The following SCD5 variants were observed in gnomAD, a reference collection of about 807,000 sequenced individuals.
SCD5 encodes acyl-CoA-desaturase 4.
A neutral mutation model predicts 30.4 loss-of-function variants in SCD5; 20 were observed. The ratio of observed to expected loss-of-function variants is 0.66; its 90% CI spans 0.46 to 0.96. The LOEUF (loss-of-function observed/expected upper bound fraction) is 0.96. Among genes scored for constraint, SCD5 ranks in the 40% least tolerant of loss-of-function variants. The pLI, the probability that SCD5 is intolerant of heterozygous loss-of-function variation, is 0.00. For missense variants in SCD5, 381 were observed against 443.3 expected, an observed-to-expected ratio of 0.86 and a Z score of 1.26; for synonymous variants, 173 against 176.4, an observed-to-expected ratio of 0.98 and a Z score of 0.16.
At chr4:82,667,508 T>C (rs942270270) in intron 3 of SCD5, among the ~76,000 whole-genome samples, 6 of 152,216 alleles carry the variant, frequency 3.9e-5, no homozygotes, top group African/African-American at 1.4e-4. Flanking sequence ...ATCATCTCTG[T>C]CTTGTATCCC....
chr4:82,726,045 G>A (rs10008245), intron 1 of SCD5, among the ~76,000 whole-genome samples: 64,897 of 151,542 alleles, frequency 0.43, 14,477 homozygotes, highest in African/African-American at 0.56. Context: ...TGTCAGCCCA[G>A]TGGAGACTTC....
At chr4:82,639,953 G>C (rs543490094) in intron 3 of SCD5, among the ~76,000 whole-genome samples, 151 of 152,312 alleles carry the variant, frequency 9.9e-4, no homozygotes, top group African/African-American at 3.6e-3. Flanking sequence ...CTTGCTCTCT[G>C]CTGGGCCCTG....
chr4:82,705,438 G>A (rs758946303), intron 1 of SCD5, 25 bp from the exon 2 acceptor site: 10 of 1,613,410 alleles, frequency 6.2e-6, no homozygotes, highest in Admixed American at 5.0e-5. Context: ...CAGGGACAAC[G>A]TCAACAATGG....
At chr4:82,660,395 C>A (rs1727970101) in intron 3 of SCD5, 1 of 799,042 alleles carries the variant, frequency 1.3e-6, no homozygotes, top group Non-Finnish European at 1.5e-6. Context: ...AGAAATACAT[C>A]TGGAAATGAT....
chr4:82,774,732 T>C (rs1302243349), intron 1 of SCD5, among the ~76,000 whole-genome samples: 3 of 152,194 alleles, frequency 2.0e-5, no homozygotes, highest in African/African-American at 4.8e-5. Context: ...AACTGTTACA[T>C]AGACCCAGTC....
At chr4:82,735,296 C>T (rs769753734) in intron 1 of SCD5, among the ~76,000 whole-genome samples, 2 of 152,026 alleles carry the variant, frequency 1.3e-5, no homozygotes, top group Admixed American at 6.5e-5. Flanking sequence ...GGTTGATTGG[C>T]GTGTCTACAC....
intron 1 of SCD5, among the ~76,000 whole-genome samples, chr4:82,738,913 T>G (rs1720810513): frequency 6.6e-6 from 1 of 152,178 alleles, no homozygotes; most frequent in Non-Finnish European, 1.5e-5. Context: ...GTTTAGAAAT[T>G]TGGCCAAGAT....
intron 1 of SCD5, among the ~76,000 whole-genome samples, chr4:82,739,925 A>G (rs1416381477): frequency 1.3e-5 from 2 of 151,984 alleles, no homozygotes; most frequent in Non-Finnish European, 2.9e-5. Context: ...CTCCATCCCC[A>G]CCGCTTGCTT....
intron 1 of SCD5, among the ~76,000 whole-genome samples, chr4:82,715,458 T>C (rs558385265): frequency 6.6e-6 from 1 of 151,334 alleles, no homozygotes; most frequent in Non-Finnish European, 1.5e-5. Context: ...ATTTTCAGCA[T>C]CCAGAGCCTA....
At position 82,798,360 on chromosome 4, in the gene SCD5, C is replaced by T; in HGVS notation, c.178G>A (p.Ala60Thr). 1 of 1,613,318 alleles carries T rather than the reference C, an allele frequency of 6.2e-7. No individual in the cohort carries two copies. The change falls in exon 1 of 5, where the codon GCC becomes ACC. Residue 60 changes from alanine to threonine, a missense_variant. Transcript: ENST00000319540. ...GGGATGAGCACCAGGGAGTACACGG[C>T]CCCCAAGTGGAGCAAGCTCATCAGG... ...VVLMSLLHLG[A>T]VYSLVLIPKA...
Position 82,795,809 on chromosome 4 carries a change from C to CAAAAAAA in SCD5, c.232+2490_232+2496dup, listed in dbSNP as rs72115040. On this transcript the variant is annotated intron_variant, in intron 1 of 4. Transcript: ENST00000319540. ...TGCACTCCAGCAAGACCCTGTCTCA[C>CAAAAAAA]AAAAAAAAAAAAAAAAAAAAAAAAA... 2.6e-3 allele frequency among the ~76,000 whole-genome samples: 114 copies of CAAAAAAA among 43,896 alleles called. 19 individuals are homozygous for CAAAAAAA. The highest frequency in any genetic ancestry group is 9.0e-3 in the African/African-American group (103 of 11,412). The allele number at this position is 43,896 out of a possible 152,430, so 28.8% of individuals were successfully genotyped here. A position where few individuals can be genotyped will look rare whatever the true frequency, so the allele number is the denominator to read the frequency against.
At chr4:82,793,136 G>A (rs72925445) in intron 1 of SCD5, among the ~76,000 whole-genome samples, 2,895 of 152,304 alleles carry the variant, frequency 0.019, 98 homozygotes, top group African/African-American at 0.065. Flanking sequence ...CGTTTGAAAG[G>A]AAGAGTCATT....
chr4:82,767,405 C>T (rs1721516318), intron 1 of SCD5, among the ~76,000 whole-genome samples: 2 of 152,172 alleles, frequency 1.3e-5, no homozygotes, highest in African/African-American at 4.8e-5. Context: ...GACATGGCTG[C>T]ACTCTGCTTG....
At chr4:82,635,167 C>A (rs1311771624) in intron 4 of SCD5, among the ~76,000 whole-genome samples, 1 of 152,180 alleles carries the variant, frequency 6.6e-6, no homozygotes, top group African/African-American at 2.4e-5. Context: ...AAAGGTAGAG[C>A]TAATATTTCT....
At position 82,798,699 on chromosome 4, in the gene SCD5, C is replaced by T. The variant is rs1052246632; in HGVS notation, c.-162G>A. 8.5e-5 allele frequency: 56 copies of T among 655,606 alleles called. 1 individual carries two copies. Among genetic ancestry groups the T allele is most frequent in the Middle Eastern group, 4.2e-4 (1 of 2,392 alleles). 40.6% of individuals were successfully genotyped at this position (655,606 alleles called of 1,614,324 possible). ...TCTCCCGGGCTCCTGCGCTCTTCCC[C>T]AGGGTCTTAGCGTGGCCTAGGGATG... On this transcript the variant is annotated 5_prime_UTR_variant, in exon 1 of 5. Coordinates refer to ENST00000319540, the MANE Select transcript of SCD5 (RefSeq NM_001037582.3).
chr4:82,732,128 T>A (rs1720656931), intron 1 of SCD5, among the ~76,000 whole-genome samples: 1 of 151,948 alleles, frequency 6.6e-6, no homozygotes, highest in African/African-American at 2.4e-5. Context: ...TGAGACGGAG[T>A]CTTGCTCTGT....
chr4:82,793,587 T>G (rs919964107), intron 1 of SCD5, among the ~76,000 whole-genome samples: 1 of 152,100 alleles, frequency 6.6e-6, no homozygotes, highest in African/African-American at 2.4e-5. Context: ...GCCGGAAGAC[T>G]TTTTTTTCTT....
chr4:82,755,197 T>C (rs1721207838), intron 1 of SCD5, among the ~76,000 whole-genome samples: 1 of 151,106 alleles, frequency 6.6e-6, no homozygotes, highest in Admixed American at 6.6e-5. Context: ...GTCGAAAAAA[T>C]TAGGAGAGAT....
At chr4:82,648,995 T>C (rs1272191907) in intron 3 of SCD5, among the ~76,000 whole-genome samples, 1 of 152,226 alleles carries the variant, frequency 6.6e-6, no homozygotes, top group Non-Finnish European at 1.5e-5. Flanking sequence ...TAGTGTCTAA[T>C]AATGGTTCTC....
Sources: gnomAD v4.1 joint callset for allele counts (sites outside exome capture counted in the v4.1 genomes callset) on GRCh38, gnomAD v4.1.1 for gene constraint, MANE v1.5 for transcripts, NCBI Gene and HGNC (gene_info 2026-07-23, HGNC 2026-07-21) for gene names.